The following REDIC1 variants were observed in gnomAD, a reference collection of about 807,000 sequenced individuals.
REDIC1 encodes regulator of DNA class I crossover intermediates 1.
At chr12:39,651,780 A>G in the REDIC1 span, among the ~76,000 whole-genome samples, 1 of 152,272 alleles carries the variant, frequency 6.6e-6, no homozygotes, top group South Asian at 2.1e-4. Context: ...TAACTATGAT[A>G]ATGAATTTAT....
At chr12:39,748,084 C>A in the REDIC1 span, among the ~76,000 whole-genome samples, 1 of 151,710 alleles carries the variant, frequency 6.6e-6, no homozygotes, top group African/African-American at 2.4e-5. Context: ...ACAATATTAA[C>A]CTTAAATGTA....
At chr12:39,809,717 T>A in the REDIC1 span, among the ~76,000 whole-genome samples, 31 of 152,270 alleles carry the variant, frequency 2.0e-4, no homozygotes, top group African/African-American at 7.2e-4. Context: ...CCATGTGTTC[T>A]CATTGTTCAG....
At chr12:39,657,132 C>T in the REDIC1 span, among the ~76,000 whole-genome samples, 6 of 152,314 alleles carry the variant, frequency 3.9e-5, no homozygotes, top group African/African-American at 1.4e-4. Context: ...CCTGCAAGCT[C>T]CATTCATGCT....
chr12:39,789,814 T>C, the REDIC1 span, among the ~76,000 whole-genome samples: 43 of 152,266 alleles, frequency 2.8e-4, no homozygotes, highest in East Asian at 6.6e-3. Context: ...CCATTTCACA[T>C]ATTTATTGGC....
chr12:39,783,573 A>T, the REDIC1 span, among the ~76,000 whole-genome samples: 97 of 152,282 alleles, frequency 6.4e-4, no homozygotes, highest in Non-Finnish European at 1.2e-3. Context: ...CTAACTGGTG[A>T]GAGATGGTAT....
chr12:39,711,087 C>T, the REDIC1 span, among the ~76,000 whole-genome samples: 2 of 151,418 alleles, frequency 1.3e-5, no homozygotes, highest in Non-Finnish European at 3.0e-5. Context: ...TTGTATCATA[C>T]TTATGACTTT....
the REDIC1 span, among the ~76,000 whole-genome samples, chr12:39,885,352 C>G: frequency 6.6e-6 from 1 of 152,116 alleles, no homozygotes; most frequent in African/African-American, 2.4e-5. Context: ...CAGAAAACAA[C>G]ACTGCAAACA....
chr12:39,674,394 C>G, the REDIC1 span, among the ~76,000 whole-genome samples: 2 of 152,222 alleles, frequency 1.3e-5, no homozygotes, highest in East Asian at 3.9e-4. Context: ...AGGTAAGAGA[C>G]AGGACTAGTA....
the REDIC1 span, among the ~76,000 whole-genome samples, chr12:39,877,180 C>T: frequency 2.0e-5 from 3 of 152,082 alleles, no homozygotes; most frequent in Admixed American, 6.6e-5. Flanking sequence ...GCTATAAAGA[C>T]ACATCTAAGA....
At chr12:39,657,220 C>T in the REDIC1 span, among the ~76,000 whole-genome samples, 2 of 151,954 alleles carry the variant, frequency 1.3e-5, no homozygotes, top group Non-Finnish European at 2.9e-5. Context: ...TGTTTAGATA[C>T]ACAAATATCA....
At chr12:39,807,967 CT>C in the REDIC1 span, among the ~76,000 whole-genome samples, 9 of 152,104 alleles carry the variant, frequency 5.9e-5, no homozygotes, top group Non-Finnish European at 1.2e-4. Flanking sequence ...AAATCCAGTA[CT>C]TTAATCATCT....
chr12:39,626,409 C>A, the REDIC1 span: 1 of 1,611,748 alleles, frequency 6.2e-7, no homozygotes. Flanking sequence ...TCCTACGACT[C>A]CTCTTTCTAG....
the REDIC1 span, among the ~76,000 whole-genome samples, chr12:39,751,397 A>T: frequency 6.6e-6 from 1 of 152,246 alleles, no homozygotes; most frequent in Non-Finnish European, 1.5e-5. Context: ...AGAAGTCAGG[A>T]AACAACAGGT....
the REDIC1 span, among the ~76,000 whole-genome samples, chr12:39,632,066 T>TATAA: frequency 4.0e-5 from 6 of 151,270 alleles, no homozygotes; most frequent in Non-Finnish European, 7.4e-5. Flanking sequence ...TATATATATA[T>TATAA]AATGTTAACT....
the REDIC1 span, among the ~76,000 whole-genome samples, chr12:39,865,124 T>C: frequency 6.6e-6 from 1 of 152,166 alleles, no homozygotes; most frequent in Non-Finnish European, 1.5e-5. Flanking sequence ...GCAAATACAT[T>C]TGCTAGCCAA....
At chr12:39,774,971 A>G in the REDIC1 span, among the ~76,000 whole-genome samples, 149,204 of 152,278 alleles carry the variant, frequency 0.98, 73,107 homozygotes, top group East Asian at 1. Context: ...ATTTAAATTG[A>G]TATAATTTCC....
the REDIC1 span, among the ~76,000 whole-genome samples, chr12:39,768,516 A>C: frequency 6.6e-6 from 1 of 152,098 alleles, no homozygotes; most frequent in Non-Finnish European, 1.5e-5. Context: ...GAGTCGTGCT[A>C]CTATTCCTAT....
the REDIC1 span, among the ~76,000 whole-genome samples, chr12:39,643,596 ATTTAGTC>A: frequency 3.3e-5 from 5 of 151,802 alleles, no homozygotes; most frequent in South Asian, 1.0e-3. Context: ...AGGCTGTGAA[ATTTAGTC>A]TTTAGGCAAA....
chr12:39,822,558 G>C, the REDIC1 span, among the ~76,000 whole-genome samples: 4 of 152,096 alleles, frequency 2.6e-5, no homozygotes, highest in Non-Finnish European at 5.9e-5. Context: ...CATCTCTGCT[G>C]TACACCTTCT....
Sources: allele counts gnomAD v4.1 joint callset (sites outside exome capture counted in the v4.1 genomes callset), GRCh38; gene constraint gnomAD v4.1.1; transcripts MANE v1.5; gene names NCBI Gene and HGNC (gene_info 2026-07-23, HGNC 2026-07-21).